PATJ: variants seen among roughly 807,000 people sequenced by gnomAD.
The protein encoded by PATJ is PATJ crumbs cell polarity complex component.
A neutral mutation model predicts 224.9 loss-of-function variants in PATJ; 190 were observed. That is an observed-to-expected ratio of 0.84 (90% CI 0.75 to 0.95). The LOEUF (loss-of-function observed/expected upper bound fraction) is 0.95. Among genes scored for constraint, PATJ ranks in the 40% least tolerant of loss-of-function variants. PATJ has a pLI of 0.00. For missense variants in PATJ, 2,121 were observed against 2,270.3 expected, an observed-to-expected ratio of 0.93 and a Z score of 1.34; for synonymous variants, 769 against 820.3, an observed-to-expected ratio of 0.94 and a Z score of 1.07.
intron 32 of PATJ, 79 bp downstream of exon 32, chr1:62,079,646 C>G: frequency 1.1e-6 from 1 of 904,796 alleles, no homozygotes; most frequent in Non-Finnish European, 1.8e-6. Flanking sequence ...AAAACGAGAA[C>G]TGGACCAGGA....
chr1:62,119,960 A>G (rs1664863130), intron 37 of PATJ, among the ~76,000 whole-genome samples: 1 of 152,202 alleles, frequency 6.6e-6, no homozygotes, highest in South Asian at 2.1e-4. Context: ...AATACAATGC[A>G]ATAAAGGTCT....
In PATJ at chr1:61,833,668, G is replaced by A. The variant is rs1404538175; in HGVS notation, c.1995G>A (p.Met665Ile). 6.2e-7 allele frequency: 1 copy of A among 1,611,706 alleles called. No individual in the cohort carries two copies. Among genetic ancestry groups the A allele is most frequent in the South Asian group, 1.1e-5 (1 of 90,624 alleles). ...SLPETEVDHN[M>I]DVNTEEDDDG... ...TGGTATTTCAGGTTGACCACAATAT[G>A]GATGTCAATACTGAAGAAGATGATG... The change falls in exon 17 of 44, where the codon ATG (methionine) becomes ATA (isoleucine). Residue 665 changes from methionine (M) to isoleucine (I), a missense_variant. Met to Ile is a conservative substitution (Grantham distance 10, BLOSUM62 1). Transcript: ENST00000642238.
At chr1:61,972,987 C>CA (rs1302905639) in intron 27 of PATJ, among the ~76,000 whole-genome samples, 1 of 151,708 alleles carries the variant, frequency 6.6e-6, no homozygotes, top group Non-Finnish European at 1.5e-5. Context: ...TTGGATTACC[C>CA]AAAAAAGGTA....
intron 27 of PATJ, among the ~76,000 whole-genome samples, chr1:61,985,192 G>T (rs1644682353): frequency 6.6e-6 from 1 of 151,992 alleles, no homozygotes; most frequent in Non-Finnish European, 1.5e-5. Flanking sequence ...CATGCCTATA[G>T]TCCCAGCTAC....
Position 61,771,474 on chromosome 1 carries a change from CA to C in PATJ, c.569del (p.His190ProfsTer24), listed in dbSNP as rs2148364679. 1 of 1,607,136 alleles carries C rather than the reference CA, an allele frequency of 6.2e-7. No individual in the cohort carries two copies. Among genetic ancestry groups the C allele is most frequent in the East Asian group, 2.2e-5 (1 of 44,464 alleles). On this transcript the variant is annotated frameshift_variant, in exon 6 of 44. Coordinates refer to ENST00000642238, the MANE Select transcript of PATJ (RefSeq NM_001350145.3). LOFTEE classifies it high-confidence loss of function. ...KENDQILAINHTPLDQNISHQ... is the reference protein window; with the variant it reads ...KENDQILAINXTPLDQNISHQ... ...AAATGATCAAATATTGGCCATTAAT[CA>C]CACGCCATTGGATCAGAACATTTCC...
chr1:61,750,489 G>A lies in PATJ; in HGVS notation c.-36+7934G>A, dbSNP rs924014083. On this transcript the variant is annotated intron_variant, in intron 1 of 43. Transcript: ENST00000642238. ...TCTCTATTTTTGCCCAGGCTGGAGTGCAATGGTGTGGTCTCGGCTCACCAC... is the reference window on the plus strand; with the variant it reads ...TCTCTATTTTTGCCCAGGCTGGAGTACAATGGTGTGGTCTCGGCTCACCAC... 1.4e-4 allele frequency among the ~76,000 whole-genome samples: 21 copies of A among 147,202 alleles called. No homozygotes were observed. In the South Asian group the frequency reaches 1.7e-3, roughly 12 times the overall value.
At position 62,160,895 on chromosome 1, in the gene PATJ, T is replaced by C; in HGVS notation, c.5503-13T>C. 1 of 1,613,240 alleles carries C rather than the reference T, an allele frequency of 6.2e-7. No homozygotes were observed. The highest frequency in any genetic ancestry group is 8.5e-7 in the Non-Finnish European group (1 of 1,179,614). On this transcript the variant is annotated splice_polypyrimidine_tract_variant and intron_variant, in intron 43 of 43. Coordinates refer to ENST00000642238, the MANE Select transcript of PATJ (RefSeq NM_001350145.3). Reference sequence around the variant, plus strand: ...TTTACCCTGGATTAAACTGAAATGTTTCTTGTTTGTAGGGAGCAGCTGCAG... The same window carrying C: ...TTTACCCTGGATTAAACTGAAATGTCTCTTGTTTGTAGGGAGCAGCTGCAG...
chr1:62,070,918 T>C (rs1472086554), intron 31 of PATJ, among the ~76,000 whole-genome samples: 1 of 152,172 alleles, frequency 6.6e-6, no homozygotes, highest in East Asian at 1.9e-4. Flanking sequence ...TAGGATGAGA[T>C]TGTAACTGAA....
At chr1:61,848,146 T>C (rs563114781) in intron 17 of PATJ, among the ~76,000 whole-genome samples, 1 of 152,304 alleles carries the variant, frequency 6.6e-6, no homozygotes, top group East Asian at 1.9e-4. Flanking sequence ...AAAGAAGGGA[T>C]CATAACTCAT....
intron 27 of PATJ, among the ~76,000 whole-genome samples, chr1:61,961,734 C>T (rs1283881945): frequency 2.0e-5 from 3 of 151,800 alleles, no homozygotes; most frequent in Admixed American, 6.6e-5. Context: ...TTTGGGAGGC[C>T]GAGGCAGGTG....
chr1:62,078,600 T>C (rs1658728191), intron 31 of PATJ, among the ~76,000 whole-genome samples: 1 of 151,984 alleles, frequency 6.6e-6, no homozygotes, highest in Non-Finnish European at 1.5e-5. Context: ...AGTTTTTTAA[T>C]ATTAATATTC....
At chr1:61,886,833 T>C (rs1294828358) in intron 22 of PATJ, among the ~76,000 whole-genome samples, 1 of 86,466 alleles carries the variant, frequency 1.2e-5, no homozygotes, top group African/African-American at 4.0e-5. Context: ...AAAAAAAAAT[T>C]AGCCTGTTGT....
At chr1:61,831,938 CA>C (rs1659400858) in intron 16 of PATJ, among the ~76,000 whole-genome samples, 1 of 152,132 alleles carries the variant, frequency 6.6e-6, no homozygotes, top group African/African-American at 2.4e-5. Context: ...TGCCCATCAA[CA>C]GTGGACTAGG....
intron 33 of PATJ, among the ~76,000 whole-genome samples, chr1:62,108,142 A>G (rs906217731): frequency 4.6e-5 from 7 of 152,178 alleles, no homozygotes; most frequent in African/African-American, 1.7e-4. Context: ...AGAATGACAC[A>G]TAGTTCACCT....
At chr1:61,920,589 A>G (rs1275806853) in intron 26 of PATJ, among the ~76,000 whole-genome samples, 2 of 151,870 alleles carry the variant, frequency 1.3e-5, no homozygotes, top group South Asian at 2.1e-4. Flanking sequence ...CACTGAAACC[A>G]TGTTGACTTT....
chr1:61,861,120 A>G (rs977406231), intron 18 of PATJ, among the ~76,000 whole-genome samples: 12 of 151,334 alleles, frequency 7.9e-5, no homozygotes, highest in Non-Finnish European at 1.6e-4. Context: ...TTTAAGAAAT[A>G]CTTTAAAAAG....
rs1371473770 is a variant in PATJ at position 62,079,495 on chromosome 1, T to C, written c.4171T>C (p.Phe1391Leu). 5 of 1,613,932 alleles carry C rather than the reference T, an allele frequency of 3.1e-6. No homozygotes were observed. Among genetic ancestry groups the C allele is most frequent in the Middle Eastern group, 3.3e-4 (2 of 6,084 alleles). ...KQQKYPTKVS[F>L]SSQEIPLAPA... is the part of the protein sequence containing the mutation. ...GCAAAAATATCCAACAAAAGTCTCC[T>C]TCAGTTCACAAGAGATACCATTAGC... The change falls in exon 32 of 44, where the codon TTC becomes CTC. Residue 1391 changes from phenylalanine to leucine, a missense_variant. Coordinates refer to ENST00000642238, the MANE Select transcript of PATJ (RefSeq NM_001350145.3).
At chr1:62,077,804 A>G (rs1658573167) in intron 31 of PATJ, among the ~76,000 whole-genome samples, 1 of 152,186 alleles carries the variant, frequency 6.6e-6, no homozygotes, top group Non-Finnish European at 1.5e-5. Flanking sequence ...GCATTCTTCA[A>G]CTATTGACTT....
At chr1:62,027,384 C>T (rs762364136) in intron 29 of PATJ, among the ~76,000 whole-genome samples, 18 of 152,176 alleles carry the variant, frequency 1.2e-4, no homozygotes, top group Non-Finnish European at 2.1e-4. Context: ...ACTTGGGTTG[C>T]TTCCACCTTT....
Sources: gnomAD v4.1 joint callset for allele counts (sites outside exome capture counted in the v4.1 genomes callset) on GRCh38, gnomAD v4.1.1 for gene constraint, MANE v1.5 for transcripts, NCBI Gene and HGNC (gene_info 2026-07-23, HGNC 2026-07-21) for gene names.